SERPINB12: variants seen among roughly 807,000 people sequenced by gnomAD.
The protein encoded by SERPINB12 is serpin B12.
In SERPINB12, 57 loss-of-function variants were observed where a neutral mutation model predicts 41.1. That is an observed-to-expected ratio of 1.39 (90% CI 1.12 to 1.73). The LOEUF (loss-of-function observed/expected upper bound fraction) is 1.73, where lower values mean the gene tolerates loss of function less well. Among genes scored for constraint, SERPINB12 ranks in the 40% most tolerant of loss-of-function variants. The pLI, the probability that SERPINB12 is intolerant of heterozygous loss-of-function variation, is 0.00. For synonymous variants in SERPINB12, 180 were observed against 181.3 expected (o/e 0.99, Z 0.06); for missense variants, 536 against 501.9 (o/e 1.07, Z -0.65).
chr18:63,539,453 C>T (rs1910232769), upstream of SERPINB12, among the ~76,000 whole-genome samples: 1 of 151,946 alleles, frequency 6.6e-6, no homozygotes, highest in Admixed American at 6.6e-5. Flanking sequence ...CCTATTTCTC[C>T]AGAAGTAGGA....
intron 1 of SERPINB12, among the ~76,000 whole-genome samples, chr18:63,555,400 G>A (rs1411281838): frequency 6.6e-6 from 1 of 152,146 alleles, no homozygotes; most frequent in Admixed American, 6.5e-5. Flanking sequence ...ATGGGATGAT[G>A]TTTGCTTGGC....
At chr18:63,530,864 C>T in the SERPINB12 span, among the ~76,000 whole-genome samples, 11 of 152,206 alleles carry the variant, frequency 7.2e-5, no homozygotes, top group Middle Eastern at 6.8e-3. Context: ...CTAACCAAGG[C>T]GGCCGACTTT....
At chr18:63,529,564 G>T in the SERPINB12 span, among the ~76,000 whole-genome samples, 1 of 152,144 alleles carries the variant, frequency 6.6e-6, no homozygotes, top group Admixed American at 6.5e-5. Flanking sequence ...ATTCAGTTTG[G>T]ATGTGCTAGG....
intron 1 of SERPINB12, among the ~76,000 whole-genome samples, chr18:63,542,762 A>G (rs1448206594): frequency 6.6e-6 from 1 of 152,164 alleles, no homozygotes; most frequent in Non-Finnish European, 1.5e-5. Context: ...ACAGTACCCA[A>G]GAGGTAGTTT....
Position 63,559,669 on chromosome 18 carries a change from T to C in SERPINB12, c.395T>C (p.Leu132Pro), listed in dbSNP as rs1418743165. Reference sequence around the variant, plus strand: ...GACAGGATCAAGACTGATTACACACTGAGTATTGCCAACAGGCTTTATGGA... The same window carrying C: ...GACAGGATCAAGACTGATTACACACCGAGTATTGCCAACAGGCTTTATGGA... ...KLDRIKTDYT[L>P]SIANRLYGEQ... Residue 132 changes from leucine (L) to proline (P), a missense_variant, in exon 4 of 8, where the codon CTG becomes CCG. Physicochemically the swap from Leu to Pro is moderately conservative, Grantham distance 98 (BLOSUM62 -3). Coordinates refer to ENST00000382768, the MANE Select transcript of SERPINB12 (RefSeq NM_001307928.2). 6.2e-7 allele frequency: 1 copy of C among 1,614,086 alleles called. No homozygotes were observed. Among genetic ancestry groups the C allele is most frequent in the South Asian group, 1.1e-5 (1 of 91,068 alleles).
the SERPINB12 span, among the ~76,000 whole-genome samples, chr18:63,532,610 G>A: frequency 1.3e-5 from 2 of 152,262 alleles, no homozygotes; most frequent in East Asian, 3.9e-4. Context: ...CTACGGTTTT[G>A]TCTTACTTGC....
chr18:63,560,427 C>T (rs1274574702), intron 4 of SERPINB12, among the ~76,000 whole-genome samples: 1 of 152,190 alleles, frequency 6.6e-6, no homozygotes, highest in Non-Finnish European at 1.5e-5. Context: ...AGTGTGTTTC[C>T]TTGCAATGAA....
At chr18:63,522,121 C>T in the SERPINB12 span, among the ~76,000 whole-genome samples, 1 of 152,220 alleles carries the variant, frequency 6.6e-6, no homozygotes, top group East Asian at 1.9e-4. Flanking sequence ...TCAAATTTTA[C>T]CTGATCATTT....
At chr18:63,526,067 T>C in the SERPINB12 span, among the ~76,000 whole-genome samples, 1 of 152,198 alleles carries the variant, frequency 6.6e-6, no homozygotes. Flanking sequence ...CATTTCTATT[T>C]TTATATTATC....
chr18:63,559,496 G>A, intron 3 of SERPINB12, 82 bp from the exon 4 acceptor site: 2 of 1,436,964 alleles, frequency 1.4e-6, no homozygotes, highest in South Asian at 2.5e-5. Flanking sequence ...TCTTGCTTCT[G>A]TACAAAACAC....
chr18:63,546,170 G>A (rs1006617636), intron 1 of SERPINB12, among the ~76,000 whole-genome samples: 3 of 152,170 alleles, frequency 2.0e-5, no homozygotes, highest in African/African-American at 7.2e-5. Context: ...CTGACAACAA[G>A]TTAGAAAAGG....
chr18:63,551,073 T>C (rs530756374), intron 1 of SERPINB12, among the ~76,000 whole-genome samples: 1 of 152,006 alleles, frequency 6.6e-6, no homozygotes, highest in East Asian at 2.0e-4. Flanking sequence ...ATCGAGACTA[T>C]CCTGCCTAAC....
chr18:63,556,867 C>T (rs1210011325), intron 2 of SERPINB12, among the ~76,000 whole-genome samples: 1 of 152,184 alleles, frequency 6.6e-6, no homozygotes, highest in Non-Finnish European at 1.5e-5. Context: ...TCCTTGAGGT[C>T]TGAACCACAA....
rs571400594 is a variant in SERPINB12, at chr18:63,559,822, T to C, written c.444+104T>C. Reference sequence around the variant, plus strand: ...CTGCCATCTAGAACACAAACCTCTTTGACAGGATGATGCGCTGTGGACTGG... The same window carrying C: ...CTGCCATCTAGAACACAAACCTCTTCGACAGGATGATGCGCTGTGGACTGG... On this transcript the variant is annotated intron_variant, in intron 4 of 7. Transcript: ENST00000382768. 1,511 of 1,182,474 alleles carry C rather than the reference T, an allele frequency of 1.3e-3. 14 individuals are homozygous for C. In the South Asian group the frequency reaches 0.013, roughly 10 times the overall value. 73.2% of individuals were successfully genotyped at this position (1,182,474 alleles called of 1,614,324 possible).
chr18:63,552,522 A>T (rs1300081114), intron 1 of SERPINB12, among the ~76,000 whole-genome samples: 5 of 152,222 alleles, frequency 3.3e-5, no homozygotes, highest in Non-Finnish European at 5.9e-5. Flanking sequence ...CTGTGTTATT[A>T]GCATAATCAA....
At chr18:63,532,581 T>C in the SERPINB12 span, among the ~76,000 whole-genome samples, 4 of 152,172 alleles carry the variant, frequency 2.6e-5, no homozygotes, top group African/African-American at 9.6e-5. Context: ...ATGAAAGTTT[T>C]GGACAGATTT....
intron 1 of SERPINB12, among the ~76,000 whole-genome samples, chr18:63,553,147 A>C (rs905086550): frequency 2.0e-5 from 3 of 152,222 alleles, no homozygotes; most frequent in Admixed American, 1.3e-4. Context: ...AGTAGTTCAC[A>C]AAGTTTATAG....
chr18:63,523,100 A>T, the SERPINB12 span, among the ~76,000 whole-genome samples: 4 of 152,162 alleles, frequency 2.6e-5, no homozygotes, highest in Non-Finnish European at 5.9e-5. Context: ...TTAGTTTGAG[A>T]TAAAAAGAGA....
upstream of SERPINB12, among the ~76,000 whole-genome samples, chr18:63,541,174 A>G (rs1910265676): frequency 6.6e-6 from 1 of 152,186 alleles, no homozygotes. Flanking sequence ...AAGCTGGTTC[A>G]TGGGAACCCA....
Sources: gnomAD v4.1 joint callset for allele counts (sites outside exome capture counted in the v4.1 genomes callset) on GRCh38, gnomAD v4.1.1 for gene constraint, MANE v1.5 for transcripts, NCBI Gene and HGNC (gene_info 2026-07-23, HGNC 2026-07-21) for gene names.